The following CCDC24 variants were observed in gnomAD, a reference collection of about 807,000 sequenced individuals.
CCDC24 encodes coiled-coil domain-containing protein 24.
In CCDC24, 34 loss-of-function variants were observed where a neutral mutation model predicts 31.6. That is an observed-to-expected ratio of 1.08 (90% CI 0.82 to 1.43). The LOEUF is 1.43. Among genes scored for constraint, CCDC24 ranks in the 40% most tolerant of loss-of-function variants. The pLI is 0.00. For missense variants in CCDC24, 426 were observed against 391.1 expected (o/e 1.09, Z -0.75); for synonymous variants, 175 against 157.3 (o/e 1.11, Z -0.84).
chr1:43,992,014 G>A lies in CCDC24; in HGVS notation c.126+10G>A. ...GGAGCTGCGGGCGGAGGTGGGGAGA[G>A]GGAAGGTGGGCCACGCCCCTGGCCT... is the stretch of plus-strand genomic sequence containing the variant. On this transcript the variant is annotated intron_variant, in intron 2 of 8. Coordinates refer to ENST00000372318, the MANE Select transcript of CCDC24 (RefSeq NM_152499.4). The A allele has an allele frequency of 6.7e-7, 1 of 1,491,916 alleles. No homozygotes were observed. The highest frequency in any genetic ancestry group is 9.0e-7 in the Non-Finnish European group (1 of 1,113,910). The allele number at this position is 1,491,916 out of a possible 1,614,324, so 92.4% of individuals were successfully genotyped here. A position where few individuals can be genotyped will look rare whatever the true frequency, so the allele number is the denominator to read the frequency against.
Position 43,995,705 on chromosome 1 carries a change from C to T in CCDC24, c.622+35C>T. On this transcript the variant is annotated intron_variant, in intron 7 of 8. Coordinates refer to ENST00000372318, the MANE Select transcript of CCDC24 (RefSeq NM_152499.4). This position sits in a 1 kb window ranked among gnomAD's most constrained non-coding sequence, Gnocchi z 4.3. ...CGGAGCAGGGCCCAGAACACCCAGCCTCCTGCTCCCACCCCACACTTGTAC... is the reference window on the plus strand; with the variant it reads ...CGGAGCAGGGCCCAGAACACCCAGCTTCCTGCTCCCACCCCACACTTGTAC... 1 of 1,612,986 alleles carries T rather than the reference C, an allele frequency of 6.2e-7. No individual in the cohort carries two copies. The highest frequency in any genetic ancestry group is 1.7e-5 in the Admixed American group (1 of 59,956).
In CCDC24 at chr1:43,995,098, C is replaced by T. The variant is rs768341316; in HGVS notation, c.498-10C>T. 2 of 1,577,344 alleles carry T rather than the reference C, an allele frequency of 1.3e-6. No homozygotes were observed. Among genetic ancestry groups the T allele is most frequent in the South Asian group, 1.2e-5 (1 of 86,094 alleles). The stretch of plus-strand genomic sequence containing the variant: ...TCTCGGGTTCTGGCTGCTGCTCCCT[C>T]ATGTCCCAGGGGCCTTCTGGAGGAG... On this transcript the variant is annotated splice_polypyrimidine_tract_variant and intron_variant, in intron 5 of 8. Transcript: ENST00000372318. This position sits in a 1 kb window ranked among gnomAD's most constrained non-coding sequence, Gnocchi z 4.3.
chr1:43,991,843 G>A lies in CCDC24; in HGVS notation c.-32-4G>A, dbSNP rs777995079. On this transcript the variant is annotated splice_polypyrimidine_tract_variant and splice_region_variant and intron_variant, in intron 1 of 8. Coordinates refer to ENST00000372318, the MANE Select transcript of CCDC24 (RefSeq NM_152499.4). The stretch of plus-strand genomic sequence containing the variant: ...CCTCCCGCACTCTGACCTGCGGCCC[G>A]TAGGTCCGAGCCGGGGACGGCGGCG... 3.9e-6 allele frequency: 6 copies of A among 1,546,616 alleles called. No individual in the cohort carries two copies. Among genetic ancestry groups the A allele is most frequent in the East Asian group, 4.9e-5 (2 of 40,924 alleles).
Position 43,996,323 on chromosome 1 carries a change from A to C in CCDC24, c.*163A>C. The C allele has an allele frequency of 1.6e-6, 1 of 642,660 alleles. No individual in the cohort carries two copies. Among genetic ancestry groups the C allele is most frequent in the Admixed American group, 3.2e-5 (1 of 31,210 alleles). The allele number at this position is 642,660 out of a possible 1,614,324, so 39.8% of individuals were successfully genotyped here. A position where few individuals can be genotyped will look rare whatever the true frequency, so the allele number is the denominator to read the frequency against. On this transcript the variant is annotated 3_prime_UTR_variant, in exon 9 of 9. Coordinates refer to ENST00000372318, the MANE Select transcript of CCDC24 (RefSeq NM_152499.4). ...CTGGCCCTTGCCCCACCCCCTTGCC[A>C]GATCCCTGGTGTCTGGAGCTGAGTG...
In CCDC24 at chr1:43,991,878, C is replaced by T. The variant is rs760242497; in HGVS notation, c.-1C>T. Reference sequence around the variant, plus strand: ...GCCGGGGACGGCGGCGTCGGTGGGTCATGCTCCGGCACTCCCCCTCGCTGT... The same window carrying T: ...GCCGGGGACGGCGGCGTCGGTGGGTTATGCTCCGGCACTCCCCCTCGCTGT... On this transcript the variant is annotated 5_prime_UTR_variant, in exon 2 of 9. Coordinates refer to ENST00000372318, the MANE Select transcript of CCDC24 (RefSeq NM_152499.4). The T allele has an allele frequency of 1.3e-6, 2 of 1,552,296 alleles. No individual in the cohort carries two copies. Among genetic ancestry groups the T allele is most frequent in the African/African-American group, 1.4e-5 (1 of 73,260 alleles).
At chr1:43,992,135 T>C in intron 2 of CCDC24, 77 bp from the exon 3 acceptor site, 1 of 1,517,974 alleles carries the variant, frequency 6.6e-7, no homozygotes, top group Non-Finnish European at 8.9e-7. Flanking sequence ...GACTCCGCCC[T>C]CTCCCTCACT....
chr1:43,995,307 G>A lies in CCDC24; in HGVS notation c.552+145G>A. 5 of 882,718 alleles carry A rather than the reference G, an allele frequency of 5.7e-6. No homozygotes were observed. Among genetic ancestry groups the A allele is most frequent in the Non-Finnish European group, 8.7e-6 (5 of 575,342 alleles). 54.7% of individuals were successfully genotyped at this position (882,718 alleles called of 1,614,324 possible). On this transcript the variant is annotated intron_variant, in intron 6 of 8. Coordinates refer to ENST00000372318, the MANE Select transcript of CCDC24 (RefSeq NM_152499.4). The surrounding 1 kb of genome is among the most constrained non-coding windows in gnomAD (Gnocchi z 4.3). ...ATCCATTTCTCAGGGGTGCATGCTT[G>A]TGTGCACCTGCAAAATCCTGGAGGC... is the stretch of plus-strand genomic sequence containing the variant.
chr1:43,995,636 C>G lies in CCDC24; in HGVS notation c.588C>G (p.His196Gln). 1 of 1,612,914 alleles carries G rather than the reference C, an allele frequency of 6.2e-7. No individual in the cohort carries two copies. Among genetic ancestry groups the G allele is most frequent in the Non-Finnish European group, 8.5e-7 (1 of 1,179,416 alleles). ...CLEEEYLRPC[H>Q]PSEAALEPTL... Reference sequence around the variant, plus strand: ...AAGAGGAGTATTTGAGGCCTTGCCACCCCTCTGAGGCAGCCCTGGAGCCCA... The same window carrying G: ...AAGAGGAGTATTTGAGGCCTTGCCAGCCCTCTGAGGCAGCCCTGGAGCCCA... Residue 196 changes from histidine (H) to glutamine (Q), a missense_variant, in exon 7 of 9, where the codon CAC becomes CAG. Physicochemically the swap from His to Gln is conservative, Grantham distance 24 (BLOSUM62 0). Transcript: ENST00000372318. This position sits in a 1 kb window ranked among gnomAD's most constrained non-coding sequence, Gnocchi z 4.3.
In CCDC24 at chr1:43,991,839, G is replaced by A. The variant is rs1021227160; in HGVS notation, c.-32-8G>A. On this transcript the variant is annotated splice_polypyrimidine_tract_variant and splice_region_variant and intron_variant, in intron 1 of 8. Transcript: ENST00000372318. The stretch of plus-strand genomic sequence containing the variant: ...GGTACCTCCCGCACTCTGACCTGCG[G>A]CCCGTAGGTCCGAGCCGGGGACGGC... The A allele has an allele frequency of 3.9e-6, 6 of 1,545,920 alleles. No homozygotes were observed. Among genetic ancestry groups the A allele is most frequent in the Non-Finnish European group, 4.4e-6 (5 of 1,144,752 alleles).
Position 43,996,266 on chromosome 1 carries a change from C to A in CCDC24, c.*106C>A. ...CAGCTTCAGATCTGGTCTTGGCGAGCTCTCGCCAGGACCCCAAGGCTGTTG... is the reference window on the plus strand; with the variant it reads ...CAGCTTCAGATCTGGTCTTGGCGAGATCTCGCCAGGACCCCAAGGCTGTTG... On this transcript the variant is annotated 3_prime_UTR_variant, in exon 9 of 9. Coordinates refer to ENST00000372318, the MANE Select transcript of CCDC24 (RefSeq NM_152499.4). 5 of 1,072,490 alleles carry A rather than the reference C, an allele frequency of 4.7e-6. No individual in the cohort carries two copies. Among genetic ancestry groups the A allele is most frequent in the Non-Finnish European group, 6.6e-6 (5 of 763,188 alleles). 66.4% of individuals were successfully genotyped at this position (1,072,490 alleles called of 1,614,324 possible).
intron 4 of CCDC24, among the ~76,000 whole-genome samples, chr1:43,993,522 C>G (rs1376126947): frequency 6.6e-6 from 1 of 151,842 alleles, no homozygotes; most frequent in Non-Finnish European, 1.5e-5. Context: ...TGGCACGCAC[C>G]TGTAGTCCCA....
chr1:43,995,760 G>A lies in CCDC24; in HGVS notation c.623-18G>A. Reference sequence around the variant, plus strand: ...CCTAGAAGAGCTGGGCACTGTCTCAGCCCAATCTCTCCTTCAGAGCTAAAG... The same window carrying A: ...CCTAGAAGAGCTGGGCACTGTCTCAACCCAATCTCTCCTTCAGAGCTAAAG... On this transcript the variant is annotated intron_variant, in intron 7 of 8. Transcript: ENST00000372318. This position sits in a 1 kb window ranked among gnomAD's most constrained non-coding sequence, Gnocchi z 4.3. 1 of 1,614,162 alleles carries A rather than the reference G, an allele frequency of 6.2e-7. No individual in the cohort carries two copies. The highest frequency in any genetic ancestry group is 8.5e-7 in the Non-Finnish European group (1 of 1,179,996).
At position 43,995,537 on chromosome 1, in the gene CCDC24, CT is replaced by C. The variant is rs543365952; in HGVS notation, c.553-63del. On this transcript the variant is annotated intron_variant, in intron 6 of 8. Transcript: ENST00000372318. This position sits in a 1 kb window ranked among gnomAD's most constrained non-coding sequence, Gnocchi z 4.3. ...ACGGGCCTGCCCTGGGGATCTTGGC[CT>C]CTGTATCCTGCCTTGCCCCACCCCT... The C allele has an allele frequency of 1.9e-5, 28 of 1,488,380 alleles. No homozygotes were observed. In the Admixed American group the frequency reaches 4.4e-4, roughly 23 times the overall value. 92.2% of individuals were successfully genotyped at this position (1,488,380 alleles called of 1,614,324 possible). A position where few individuals can be genotyped will look rare whatever the true frequency, so the allele number is the denominator to read the frequency against.
chr1:43,995,088 G>T lies in CCDC24; in HGVS notation c.498-20G>T. ...TGGTCCTGTGTCTCGGGTTCTGGCT[G>T]CTGCTCCCTCATGTCCCAGGGGCCT... On this transcript the variant is annotated intron_variant, in intron 5 of 8. Transcript: ENST00000372318. The surrounding 1 kb of genome is among the most constrained non-coding windows in gnomAD (Gnocchi z 4.3). The T allele has an allele frequency of 6.4e-7, 1 of 1,569,676 alleles. No homozygotes were observed. Among genetic ancestry groups the T allele is most frequent in the Non-Finnish European group, 8.6e-7 (1 of 1,157,944 alleles).
At chr1:43,991,776 G>A in intron 1 of CCDC24, 30 bp downstream of exon 1, 1 of 1,441,384 alleles carries the variant, frequency 6.9e-7, no homozygotes, top group Non-Finnish European at 9.4e-7. Flanking sequence ...GGGGCCCATA[G>A]AGGGGCGGGG....
intron 2 of CCDC24, 44 bp downstream of exon 2, chr1:43,992,048 A>C: frequency 7.0e-7 from 1 of 1,426,164 alleles, no homozygotes; most frequent in Non-Finnish European, 9.2e-7. Context: ...CTGCCCCACG[A>C]CTCGGGTGAT....
rs778172205 is a variant in CCDC24 at position 43,995,881 on chromosome 1, G to A, written c.701+25G>A. On this transcript the variant is annotated intron_variant, in intron 8 of 8. Coordinates refer to ENST00000372318, the MANE Select transcript of CCDC24 (RefSeq NM_152499.4). The surrounding 1 kb of genome is among the most constrained non-coding windows in gnomAD (Gnocchi z 4.3). ...GGTAAACCACAACAGTAGACACAGG[G>A]CAGGGTGGACTGAAGGATCAGACCA... 1.2e-5 allele frequency: 19 copies of A among 1,614,046 alleles called. No homozygotes were observed. Among genetic ancestry groups the A allele is most frequent in the Non-Finnish European group, 1.5e-5 (18 of 1,179,994 alleles).
At chr1:43,992,073 G>A (rs760117687) in intron 2 of CCDC24, 69 bp downstream of exon 2, 8 of 1,489,188 alleles carry the variant, frequency 5.4e-6, no homozygotes, top group South Asian at 1.3e-5. Flanking sequence ...CACCTCTGCG[G>A]GTCCCTGGCC....
chr1:43,994,960 G>C (rs79401056), intron 5 of CCDC24, 148 bp from the exon 6 acceptor site: 25,758 of 681,600 alleles, frequency 0.038, 583 homozygotes, highest in Non-Finnish European at 0.049. Context: ...TGCTGGGTCA[G>C]CCCCCAAGCA....
Sources: gnomAD v4.1 joint callset for allele counts (sites outside exome capture counted in the v4.1 genomes callset) on GRCh38, gnomAD v4.1.1 for gene constraint, Gnocchi (gnomAD v3.1) non-coding constraint, MANE v1.5 for transcripts, NCBI Gene and HGNC (gene_info 2026-07-23, HGNC 2026-07-21) for gene names.